The following AHI1 variants were observed in gnomAD, a reference collection of about 807,000 sequenced individuals.
AHI1 encodes the protein Abelson helper integration site 1.
A neutral mutation model predicts 149.3 loss-of-function variants in AHI1; 123 were observed. The observed-to-expected ratio is 0.82, with a 90% confidence interval of 0.71 to 0.96. AHI1 has a LOEUF of 0.96. Ranked by LOEUF, AHI1 falls within the 40% of genes least tolerant of loss-of-function variation. The probability of loss-of-function intolerance (pLI) is 0.00; values close to 1 mark genes in which losing one functional copy is unlikely to be tolerated. For synonymous variants in AHI1, 475 were observed against 459.8 expected, an observed-to-expected ratio of 1.03 and a Z score of -0.42; for missense variants, 1,439 against 1,422.7, an observed-to-expected ratio of 1.01 and a Z score of -0.18.
chr6:135,476,941 T>C (rs1023886415), intron 5 of AHI1, among the ~76,000 whole-genome samples: 1 of 152,202 alleles, frequency 6.6e-6, no homozygotes, highest in Non-Finnish European at 1.5e-5. Flanking sequence ...ATTTGGACCA[T>C]CCACATTTAA....
intron 5 of AHI1, among the ~76,000 whole-genome samples, chr6:135,470,597 A>C (rs1791525586): frequency 6.6e-6 from 1 of 152,214 alleles, no homozygotes. Flanking sequence ...TGGATAAAGA[A>C]AATGTGGTTC....
At chr6:135,409,906 T>A (rs1781342058) in intron 21 of AHI1, among the ~76,000 whole-genome samples, 1 of 152,208 alleles carries the variant, frequency 6.6e-6, no homozygotes, top group East Asian at 1.9e-4. Flanking sequence ...GGTCTCTTCT[T>A]TAACAACACT....
At chr6:135,285,682 A>C in intron 28 of AHI1, 35 bp from the exon 29 acceptor site, 1 of 1,565,446 alleles carries the variant, frequency 6.4e-7, no homozygotes, top group Non-Finnish European at 8.7e-7. Context: ...TACTAAATAA[A>C]CTTGAATAAT....
At chr6:135,474,772 C>A (rs1454712423) in intron 5 of AHI1, among the ~76,000 whole-genome samples, 1 of 152,106 alleles carries the variant, frequency 6.6e-6, no homozygotes, top group African/African-American at 2.4e-5. Flanking sequence ...GACATAAACT[C>A]CAGCTAGACA....
At chr6:135,398,058 GTTTTTT>G (rs68148024) in intron 22 of AHI1, among the ~76,000 whole-genome samples, 6 of 88,444 alleles carry the variant, frequency 6.8e-5, no homozygotes, top group African/African-American at 1.7e-4. Flanking sequence ...TACCCAGGAT[GTTTTTT>G]TTTTTTTTTT....
chr6:135,418,559 GA>G (rs1460240290), intron 20 of AHI1, among the ~76,000 whole-genome samples: 3 of 152,044 alleles, frequency 2.0e-5, no homozygotes, highest in Non-Finnish European at 2.9e-5. Context: ...AAGGACGGAG[GA>G]AATAAGATAT....
intron 22 of AHI1, among the ~76,000 whole-genome samples, chr6:135,399,371 A>G (rs900257841): frequency 5.3e-5 from 8 of 152,290 alleles, no homozygotes; most frequent in Non-Finnish European, 8.8e-5. Flanking sequence ...TGCAATCCAT[A>G]TATCTGAATC....
intron 23 of AHI1, among the ~76,000 whole-genome samples, chr6:135,392,029 C>T (rs1211685946): frequency 1.3e-5 from 2 of 152,104 alleles, no homozygotes; most frequent in East Asian, 1.9e-4. Flanking sequence ...CCAAGAGTTC[C>T]ATTGGAACAC....
intron 26 of AHI1, among the ~76,000 whole-genome samples, chr6:135,311,284 AG>A (rs1218505397): frequency 7.2e-6 from 1 of 139,490 alleles, no homozygotes; most frequent in Non-Finnish European, 1.5e-5. Flanking sequence ...CCTGGGTGAC[AG>A]GGCGAGACCC....
chr6:135,301,495 A>T, intron 26 of AHI1: 1 of 985,432 alleles, frequency 1.0e-6, no homozygotes, highest in Non-Finnish European at 1.2e-6. Context: ...CCTTCTTCAC[A>T]ATCAGATTTC....
At chr6:135,406,377 A>G (rs1301217741) in intron 21 of AHI1, among the ~76,000 whole-genome samples, 1 of 152,206 alleles carries the variant, frequency 6.6e-6, no homozygotes, top group Non-Finnish European at 1.5e-5. Context: ...TGGACATGGG[A>G]GTCCAACTAC....
chr6:135,364,921 A>AGAGGG (rs1773929074), intron 23 of AHI1, among the ~76,000 whole-genome samples: 5 of 151,018 alleles, frequency 3.3e-5, no homozygotes, highest in African/African-American at 1.2e-4. Context: ...GAGGAAGAGG[A>AGAGGG]AGAGGGAGAG....
chr6:135,288,731 GAGT>G (rs1303407430), intron 28 of AHI1, among the ~76,000 whole-genome samples: 1 of 151,608 alleles, frequency 6.6e-6, no homozygotes, highest in Non-Finnish European at 1.5e-5. Context: ...CTGCTCGAAG[GAGT>G]AGCCTTTTAA....
At position 135,456,126 on chromosome 6, in the gene AHI1, C is replaced by T. The variant is rs549082648; in HGVS notation, c.1152-200G>A. On this transcript the variant is annotated intron_variant, in intron 9 of 28. Transcript: ENST00000265602. ...TAACAGTCCATCTTATATTTGTCTA[C>T]TATCAATTGGTTTCACATGATTATT... Among the ~76,000 whole-genome samples the T allele has an allele frequency of 3.9e-5, 6 of 152,262 alleles. No homozygotes were observed. In the East Asian group the frequency reaches 1.2e-3, roughly 29 times the overall value.
chr6:135,495,031 T>G (rs1460325861), intron 3 of AHI1, among the ~76,000 whole-genome samples: 2 of 152,184 alleles, frequency 1.3e-5, no homozygotes, highest in Admixed American at 1.3e-4. Context: ...AGAAGGGACA[T>G]GTAGACAATT....
chr6:135,311,548 T>C (rs1214460311), intron 26 of AHI1, among the ~76,000 whole-genome samples: 3 of 152,182 alleles, frequency 2.0e-5, no homozygotes, highest in Non-Finnish European at 4.4e-5. Flanking sequence ...CATGTTATTT[T>C]TTATAGTAGA....
intron 10 of AHI1, among the ~76,000 whole-genome samples, chr6:135,455,079 A>G (rs1788708339): frequency 6.6e-6 from 1 of 152,188 alleles, no homozygotes; most frequent in African/African-American, 2.4e-5. Flanking sequence ...GAGTAAAGAA[A>G]TGTGGTATTC....
Position 135,331,289 on chromosome 6 carries a change from G to A in AHI1, c.3166-7965C>T, listed in dbSNP as rs747758374. ...AAGAGATGTTTCACAAAATCCACGT[G>A]GTCAAATTTTGACCACTGTTCACAT... On this transcript the variant is annotated intron_variant, in intron 24 of 28. Transcript: ENST00000265602. Among the ~76,000 whole-genome samples, 11 of 152,206 alleles carry A rather than the reference G, an allele frequency of 7.2e-5. 1 individual carries two copies. Among genetic ancestry groups the A allele is most frequent in the Admixed American group, 5.2e-4 (8 of 15,302 alleles).
chr6:135,305,437 T>G (rs1321109812), intron 26 of AHI1, among the ~76,000 whole-genome samples: 1 of 152,262 alleles, frequency 6.6e-6, no homozygotes, highest in Non-Finnish European at 1.5e-5. Flanking sequence ...CTCATAGATG[T>G]CTGCAAGGTA....
Sources: allele counts gnomAD v4.1 joint callset (sites outside exome capture counted in the v4.1 genomes callset), GRCh38; gene constraint gnomAD v4.1.1; transcripts MANE v1.5; gene names NCBI Gene and HGNC (gene_info 2026-07-23, HGNC 2026-07-21).